Variants in PCNX1 observed in about 807,000 individuals in gnomAD.
PCNX1 encodes pecanex 1.
PCNX1 carries 78 observed loss-of-function variants against 242.2 expected under a neutral mutation model. The observed-to-expected ratio is 0.32, with a 90% CI of 0.27 to 0.39. The LOEUF is 0.39. Ranked by LOEUF, PCNX1 falls within the 10% of genes least tolerant of loss-of-function variation. PCNX1 has a pLI of 1.00. For synonymous variants in PCNX1, 1,024 were observed against 1,032.9 expected, an observed-to-expected ratio of 0.99 and a Z score of 0.17; for missense variants, 2,581 against 2,856.5, an observed-to-expected ratio of 0.90 and a Z score of 2.20.
Position 70,976,952 on chromosome 14 carries a change from T to C in PCNX1, c.615T>C (p.Ala205=). The C allele has an allele frequency of 6.2e-7, 1 of 1,610,534 alleles. No individual in the cohort carries two copies. The change falls in exon 6 of 36, where the codon GCT becomes GCC. Residue 205 remains alanine, a synonymous_variant. Transcript: ENST00000304743. ...ATGTGTTTGAAACAGATTTGGCAGC[T>C]GATCGGAAGCTCTTTCGTCTTGTCT... ...KEGSEEQDLA[A]DRKLFRLVSN... is the part of the protein sequence containing the mutation.
At chr14:71,079,698 A>G (rs904533087) in intron 28 of PCNX1, among the ~76,000 whole-genome samples, 2 of 152,110 alleles carry the variant, frequency 1.3e-5, no homozygotes, top group African/African-American at 2.4e-5. Context: ...GTGTCTGTTC[A>G]TATCCTTGAC....
intron 1 of PCNX1, among the ~76,000 whole-genome samples, chr14:70,908,930 T>C (rs1329863312): frequency 6.6e-6 from 1 of 151,802 alleles, no homozygotes; most frequent in Non-Finnish European, 1.5e-5. Context: ...TTAGGGAAAC[T>C]CGTGTGGACA....
intron 30 of PCNX1, among the ~76,000 whole-genome samples, chr14:71,100,719 G>C (rs1240555452): frequency 6.6e-6 from 1 of 152,210 alleles, no homozygotes; most frequent in South Asian, 2.1e-4. Flanking sequence ...CCTCTCTCAG[G>C]AATGTCATTA....
At chr14:71,097,986 T>G (rs1301665306) in intron 30 of PCNX1, among the ~76,000 whole-genome samples, 1 of 152,220 alleles carries the variant, frequency 6.6e-6, no homozygotes, top group Non-Finnish European at 1.5e-5. Flanking sequence ...GGAGTCTGGT[T>G]TCATTCTTCT....
chr14:71,013,450 T>C (rs2059876386), intron 11 of PCNX1, among the ~76,000 whole-genome samples: 1 of 152,068 alleles, frequency 6.6e-6, no homozygotes, highest in Non-Finnish European at 1.5e-5. Flanking sequence ...GTGAGACTCA[T>C]ACAACTGCTA....
intron 1 of PCNX1, among the ~76,000 whole-genome samples, chr14:70,945,188 G>A (rs1157950961): frequency 1.3e-5 from 2 of 152,076 alleles, no homozygotes; most frequent in Non-Finnish European, 2.9e-5. Flanking sequence ...AGCTAATAGT[G>A]AACAAAAAGA....
chr14:71,083,646 A>G (rs576812277), intron 28 of PCNX1, among the ~76,000 whole-genome samples: 8 of 151,786 alleles, frequency 5.3e-5, no homozygotes, highest in Non-Finnish European at 1.0e-4. Context: ...CGATTTGGCT[A>G]TTGATACTTT....
chr14:70,959,353 A>T, intron 2 of PCNX1, among the ~76,000 whole-genome samples: 1 of 146,522 alleles, frequency 6.8e-6, no homozygotes, highest in Middle Eastern at 3.4e-3. Context: ...AGCATTAGGT[A>T]TATCTTCTAA....
chr14:70,924,736 A>T (rs1460182574), intron 1 of PCNX1, among the ~76,000 whole-genome samples: 1 of 151,778 alleles, frequency 6.6e-6, no homozygotes, highest in African/African-American at 2.4e-5. Flanking sequence ...GTAAGCACAC[A>T]CCCCACCACG....
chr14:70,937,121 G>C (rs1234857365), intron 1 of PCNX1, among the ~76,000 whole-genome samples: 1 of 152,186 alleles, frequency 6.6e-6, no homozygotes, highest in African/African-American at 2.4e-5. Context: ...TTGCTGTGCA[G>C]AAACTCTTTA....
intron 26 of PCNX1, among the ~76,000 whole-genome samples, chr14:71,058,381 G>A (rs957527534): frequency 1.3e-5 from 2 of 152,030 alleles, no homozygotes; most frequent in Non-Finnish European, 1.5e-5. Context: ...AGAAAATCAC[G>A]CATTCAGAAA....
At chr14:71,036,380 G>A (rs1050648763) in intron 19 of PCNX1, among the ~76,000 whole-genome samples, 25 of 152,008 alleles carry the variant, frequency 1.6e-4, no homozygotes, top group African/African-American at 4.1e-4. Flanking sequence ...GTCTTGTTGT[G>A]TTGCCCGAGC....
intron 8 of PCNX1, among the ~76,000 whole-genome samples, chr14:71,006,594 TA>T (rs1466700708): frequency 6.6e-6 from 1 of 152,192 alleles, no homozygotes; most frequent in African/African-American, 2.4e-5. Flanking sequence ...AATATTAAAA[TA>T]GGGGTATTGT....
chr14:71,005,347 A>G (rs1045587713), intron 8 of PCNX1, among the ~76,000 whole-genome samples: 1 of 152,060 alleles, frequency 6.6e-6, no homozygotes, highest in African/African-American at 2.4e-5. Flanking sequence ...TCTACAAAAA[A>G]GTTTTAAAAA....
At chr14:70,908,024 C>T in intron 1 of PCNX1, 21 bp downstream of exon 1, 1 of 1,545,222 alleles carries the variant, frequency 6.5e-7, no homozygotes, top group Non-Finnish European at 8.7e-7. Flanking sequence ...GGGCGGGGAG[C>T]GGGTGGCTCC....
At chr14:70,913,689 C>T (rs974227208) in intron 1 of PCNX1, among the ~76,000 whole-genome samples, 6 of 152,130 alleles carry the variant, frequency 3.9e-5, no homozygotes, top group Non-Finnish European at 8.8e-5. Flanking sequence ...GCTCTCAGGT[C>T]ATTTTCTTTC....
chr14:70,989,841 G>A (rs1314665423), intron 7 of PCNX1, among the ~76,000 whole-genome samples: 2 of 152,042 alleles, frequency 1.3e-5, no homozygotes, highest in East Asian at 3.9e-4. Context: ...CCCAAAAATG[G>A]ATATACATAC....
intron 30 of PCNX1, among the ~76,000 whole-genome samples, chr14:71,095,560 C>A (rs141466756): frequency 1.2e-4 from 19 of 152,298 alleles, no homozygotes; most frequent in African/African-American, 4.1e-4. Context: ...AAAAACCAAT[C>A]GTTGCCAGTA....
At chr14:71,080,883 T>G (rs2061837408) in intron 28 of PCNX1, among the ~76,000 whole-genome samples, 1 of 152,228 alleles carries the variant, frequency 6.6e-6, no homozygotes, top group Admixed American at 6.5e-5. Flanking sequence ...CTGATTGCCC[T>G]GTCTAGAACT....
Sources: allele counts gnomAD v4.1 joint callset (sites outside exome capture counted in the v4.1 genomes callset), GRCh38; gene constraint gnomAD v4.1.1; transcripts MANE v1.5; gene names NCBI Gene and HGNC (gene_info 2026-07-23, HGNC 2026-07-21).